Variants in HTR1F observed in about 807,000 individuals in gnomAD.
The protein encoded by HTR1F is 5-hydroxytryptamine receptor 1F.
A neutral mutation model predicts 24.0 loss-of-function variants in HTR1F; 17 were observed. The ratio of observed to expected loss-of-function variants is 0.71; its 90% CI spans 0.48 to 1.06. The LOEUF is 1.06. HTR1F is among the 50% of genes least tolerant of loss of function. The pLI, the probability that HTR1F is intolerant of heterozygous loss-of-function variation, is 0.00. For synonymous variants in HTR1F, 186 were observed against 156.8 expected, an observed-to-expected ratio of 1.19 and a Z score of -1.39; for missense variants, 391 against 427.8, an observed-to-expected ratio of 0.91 and a Z score of 0.76.
At chr3:87,942,391 G>C (rs1232368641) in intron 2 of HTR1F, among the ~76,000 whole-genome samples, 3 of 152,112 alleles carry the variant, frequency 2.0e-5, no homozygotes, top group Non-Finnish European at 4.4e-5. Context: ...CCAGGAGACA[G>C]TTAACCTCCT....
At chr3:87,913,851 G>A (rs1267946005) in intron 2 of HTR1F, among the ~76,000 whole-genome samples, 1 of 152,126 alleles carries the variant, frequency 6.6e-6, no homozygotes, top group African/African-American at 2.4e-5. Flanking sequence ...AAATATCACA[G>A]GGATCATGGC....
At chr3:87,967,488 G>A (rs555449941) in intron 2 of HTR1F, among the ~76,000 whole-genome samples, 7 of 151,806 alleles carry the variant, frequency 4.6e-5, no homozygotes, top group East Asian at 3.9e-4. Flanking sequence ...GTACCTCAAG[G>A]AGTGATACGG....
At chr3:87,929,027 C>T (rs528211859) in intron 2 of HTR1F, among the ~76,000 whole-genome samples, 1 of 152,242 alleles carries the variant, frequency 6.6e-6, no homozygotes, top group Admixed American at 6.5e-5. Flanking sequence ...TTTTTCTCTT[C>T]ACATCACCTG....
intron 2 of HTR1F, among the ~76,000 whole-genome samples, chr3:87,921,538 A>G (rs1320738891): frequency 1.3e-5 from 2 of 151,968 alleles, no homozygotes; most frequent in East Asian, 3.9e-4. Flanking sequence ...AAGGTAATTA[A>G]CATACCCATA....
intron 2 of HTR1F, among the ~76,000 whole-genome samples, chr3:87,931,690 G>C (rs7426476): frequency 0.44 from 65,813 of 150,992 alleles, 15,339 homozygotes; most frequent in African/African-American, 0.61. Context: ...TCCTATTTCT[G>C]CACATCCTCT....
intron 2 of HTR1F, among the ~76,000 whole-genome samples, chr3:87,948,485 A>G (rs1329769964): frequency 6.6e-6 from 1 of 151,592 alleles, no homozygotes; most frequent in Non-Finnish European, 1.5e-5. Context: ...TCTTTTTTAT[A>G]TGCTTTTTTT....
Position 87,797,034 on chromosome 3 carries a change from A to C in HTR1F, c.-160+4192A>C, listed in dbSNP as rs546603259. ...ACTTTCCCTAGTTTCAGTTACCGGC[A>C]GTCAACCGCAGTCTAAAAATGTTAA... On this transcript the variant is annotated intron_variant, in intron 1 of 2. Coordinates refer to ENST00000319595, the MANE Select transcript of HTR1F (RefSeq NM_001322209.2). 3.3e-5 allele frequency among the ~76,000 whole-genome samples: 5 copies of C among 152,336 alleles called. No homozygotes were observed. The East Asian group carries it at 9.6e-4, about 29-fold the overall frequency.
intron 2 of HTR1F, among the ~76,000 whole-genome samples, chr3:87,972,785 C>A (rs114329785): frequency 6.6e-6 from 1 of 152,054 alleles, no homozygotes; most frequent in East Asian, 1.9e-4. Flanking sequence ...TCATGTCATA[C>A]GCTAAAGAAG....
intron 1 of HTR1F, among the ~76,000 whole-genome samples, chr3:87,796,013 C>T (rs770089782): frequency 5.3e-5 from 8 of 152,174 alleles, no homozygotes; most frequent in Non-Finnish European, 1.0e-4. Flanking sequence ...AGTGGGAAGA[C>T]ATGAAAGCAT....
chr3:87,979,748 G>T (rs1705500394), intron 2 of HTR1F, among the ~76,000 whole-genome samples: 2 of 152,210 alleles, frequency 1.3e-5, no homozygotes, highest in Admixed American at 1.3e-4. Flanking sequence ...GCAGCAAGGG[G>T]TGCATGAGCA....
At chr3:87,952,758 C>T (rs1398957613) in intron 2 of HTR1F, among the ~76,000 whole-genome samples, 3 of 151,790 alleles carry the variant, frequency 2.0e-5, no homozygotes, top group African/African-American at 4.8e-5. Context: ...TGCAAGCTTT[C>T]GGATGGTGAA....
chr3:87,908,320 T>G (rs1000026145), intron 2 of HTR1F, among the ~76,000 whole-genome samples: 5 of 151,994 alleles, frequency 3.3e-5, no homozygotes, highest in Admixed American at 6.6e-5. Flanking sequence ...TTTTCTATTT[T>G]GTGGAAAATA....
At position 87,993,232 on chromosome 3, in the gene HTR1F, A is replaced by G. The variant is rs1705874159; in HGVS notation, c.*1382A>G. On this transcript the variant is annotated 3_prime_UTR_variant, in exon 3 of 3. Coordinates refer to ENST00000319595, the MANE Select transcript of HTR1F (RefSeq NM_001322209.2). ...GTTAAGAGTACATTACATCAATTTT[A>G]TGTATATATAGATCTGTGACAAATT... 1 of 166,764 alleles carries G rather than the reference A, an allele frequency of 6.0e-6. No homozygotes were observed. Among genetic ancestry groups the G allele is most frequent in the Non-Finnish European group, 1.5e-5 (1 of 68,066 alleles). The allele number at this position is 166,764 out of a possible 1,614,324, so 10.3% of individuals were successfully genotyped here.
intron 2 of HTR1F, among the ~76,000 whole-genome samples, chr3:87,945,222 T>A (rs1488477071): frequency 6.6e-6 from 1 of 151,882 alleles, no homozygotes. Flanking sequence ...TAACTGCCCA[T>A]GTCGAGAGCT....
At chr3:87,906,176 G>A (rs1371059083) in intron 2 of HTR1F, among the ~76,000 whole-genome samples, 8 of 152,108 alleles carry the variant, frequency 5.3e-5, no homozygotes, top group Non-Finnish European at 1.2e-4. Context: ...CAAAGGTTAA[G>A]GCTATAGAGT....
chr3:87,993,361 CT>C lies in HTR1F; in HGVS notation c.*1512del, dbSNP rs1487749800. On this transcript the variant is annotated 3_prime_UTR_variant, in exon 3 of 3. Coordinates refer to ENST00000319595, the MANE Select transcript of HTR1F (RefSeq NM_001322209.2). Reference sequence around the variant, plus strand: ...AAATAATAAAATACAGTTTTTTTTCCTGAATATGTTTACAGTCTAAAAGGAG... The same window carrying C: ...AAATAATAAAATACAGTTTTTTTTCCGAATATGTTTACAGTCTAAAAGGAG... The C allele has an allele frequency of 3.6e-5, 6 of 165,242 alleles. No homozygotes were observed. Among genetic ancestry groups the C allele is most frequent in the Non-Finnish European group, 5.9e-5 (4 of 67,758 alleles). 10.2% of individuals were successfully genotyped at this position (165,242 alleles called of 1,614,324 possible).
intron 1 of HTR1F, among the ~76,000 whole-genome samples, chr3:87,803,418 T>C (rs1247802007): frequency 6.6e-6 from 1 of 152,108 alleles, no homozygotes; most frequent in African/African-American, 2.4e-5. Flanking sequence ...TCATTGAACA[T>C]CATTGCTATC....
intron 2 of HTR1F, among the ~76,000 whole-genome samples, chr3:87,835,668 C>T (rs757698140): frequency 1.8e-4 from 27 of 152,270 alleles, no homozygotes; most frequent in Admixed American, 7.2e-4. Flanking sequence ...GCATTCCTAT[C>T]GTAAAAGACT....
chr3:87,849,480 T>C (rs1198567065), intron 2 of HTR1F, among the ~76,000 whole-genome samples: 10 of 151,984 alleles, frequency 6.6e-5, no homozygotes, highest in Non-Finnish European at 1.0e-4. Context: ...AAGACTTACA[T>C]GTTAGACCTA....
Sources: allele counts gnomAD v4.1 joint callset (sites outside exome capture counted in the v4.1 genomes callset), GRCh38; gene constraint gnomAD v4.1.1; transcripts MANE v1.5; gene names NCBI Gene and HGNC (gene_info 2026-07-23, HGNC 2026-07-21).